MLKL: variants seen among roughly 807,000 people sequenced by gnomAD.
The protein encoded by MLKL is mixed lineage kinase domain like pseudokinase, also known as mixed lineage kinase domain-like protein.
MLKL carries 55 observed loss-of-function variants against 56.5 expected under a neutral mutation model. The observed-to-expected ratio is 0.97, with a 90% confidence interval of 0.78 to 1.22. The LOEUF is 1.22. Ranked by LOEUF, MLKL falls within the 50% of genes most tolerant of loss-of-function variation. The pLI is 0.00. For missense variants in MLKL, 694 were observed against 573.9 expected (o/e 1.21, Z -2.14); for synonymous variants, 251 against 208.3 (o/e 1.20, Z -1.76).
Position 74,695,528 on chromosome 16 carries a change from T to C in MLKL, c.230A>G (p.Glu77Gly). ...GATATTGGATCTATTGCTGAACTTT[T>C]CTATCTCCCCATTAGCCTCCTCCAG... ...AALEEANGEI[E>G]KFSNRSNICR... The change falls in exon 2 of 11, where the codon GAA becomes GGA. Residue 77 changes from glutamate (E) to glycine (G), a missense_variant. Coordinates refer to ENST00000308807, the MANE Select transcript of MLKL (RefSeq NM_152649.4). 6.2e-7 allele frequency: 1 copy of C among 1,614,240 alleles called. No individual in the cohort carries two copies. Among genetic ancestry groups the C allele is most frequent in the Non-Finnish European group, 8.5e-7 (1 of 1,180,044 alleles).
At chr16:74,697,404 G>A (rs1050645321) in intron 1 of MLKL, among the ~76,000 whole-genome samples, 13 of 152,222 alleles carry the variant, frequency 8.5e-5, no homozygotes, top group Admixed American at 7.2e-4. Flanking sequence ...TTTGAATCAT[G>A]TTTGCTTTAT....
At chr16:74,678,228 C>T (rs1451523275) in intron 7 of MLKL, 1 of 152,380 alleles carries the variant, frequency 6.6e-6, no homozygotes, top group Non-Finnish European at 1.5e-5. Context: ...TTCTAAGTAA[C>T]TGAATGACAA....
intron 5 of MLKL, among the ~76,000 whole-genome samples, chr16:74,684,753 C>G (rs377331251): frequency 6.6e-6 from 1 of 152,150 alleles, no homozygotes; most frequent in Non-Finnish European, 1.5e-5. Context: ...CTCAGCCTCC[C>G]TAAGTGCTGC....
chr16:74,675,309 G>A (rs117203179), intron 9 of MLKL, 46 bp downstream of exon 9: 30,956 of 1,613,328 alleles, frequency 0.019, 405 homozygotes, highest in Non-Finnish European at 0.021. Flanking sequence ...CTACTGGAAG[G>A]GGACCCAACC....
intron 6 of MLKL, among the ~76,000 whole-genome samples, chr16:74,682,177 CTCGG>C (rs1375996371): frequency 2.6e-5 from 4 of 152,072 alleles, no homozygotes; most frequent in African/African-American, 9.7e-5. Context: ...ATCCCTTCAG[CTCGG>C]GAGGTTAAGT....
At chr16:74,679,556 C>T (rs931222568) in intron 6 of MLKL, among the ~76,000 whole-genome samples, 44 of 152,196 alleles carry the variant, frequency 2.9e-4, no homozygotes, top group African/African-American at 9.4e-4. Context: ...GCTTATAATC[C>T]CCACACTTTG....
At chr16:74,672,729 C>G (rs1390035261) in intron 10 of MLKL, among the ~76,000 whole-genome samples, 191 bp from the exon 11 acceptor site, 1 of 152,174 alleles carries the variant, frequency 6.6e-6, no homozygotes, top group Non-Finnish European at 1.5e-5. Context: ...TTTTAAAACA[C>G]AAACACCTCA....
At chr16:74,677,013 T>C (rs1202350830) in intron 7 of MLKL, 3 of 152,198 alleles carry the variant, frequency 2.0e-5, no homozygotes, top group Non-Finnish European at 4.4e-5. Flanking sequence ...AGTAAACAGC[T>C]GATGGGAATG....
intron 2 of MLKL, among the ~76,000 whole-genome samples, chr16:74,693,423 G>A (rs1412979203): frequency 7.6e-6 from 1 of 130,954 alleles, no homozygotes; most frequent in South Asian, 2.4e-4. Flanking sequence ...AGCCAAGATC[G>A]TGTCACTGCA....
intron 4 of MLKL, among the ~76,000 whole-genome samples, chr16:74,687,165 G>A (rs371885408): frequency 5.3e-5 from 8 of 151,862 alleles, no homozygotes; most frequent in South Asian, 2.1e-4. Context: ...TAGTAGAGGC[G>A]GGGTTTCACC....
Position 74,682,305 on chromosome 16 carries a change from T to C in MLKL, c.956+346A>G, listed in dbSNP as rs193244400. Reference sequence around the variant, plus strand: ...TTTAGTATAAGTATATACCATGCAATGTTTAGGATGCACTTATACTAAAAA... The same window carrying C: ...TTTAGTATAAGTATATACCATGCAACGTTTAGGATGCACTTATACTAAAAA... On this transcript the variant is annotated intron_variant, in intron 6 of 10. Transcript: ENST00000308807. Among the ~76,000 whole-genome samples the C allele has an allele frequency of 3.5e-4, 54 of 152,278 alleles. No individual in the cohort carries two copies. The East Asian group carries it at 7.3e-3, about 21-fold the overall frequency.
At position 74,672,409 on chromosome 16, in the gene MLKL, T is replaced by A; in HGVS notation, c.*95A>T. On this transcript the variant is annotated 3_prime_UTR_variant, in exon 11 of 11. Coordinates refer to ENST00000308807, the MANE Select transcript of MLKL (RefSeq NM_152649.4). ...CGTGCCCACTCCTTGCACCCATAGATAACCCAATGCCGAAGGATATGAGAG... is the reference window on the plus strand; with the variant it reads ...CGTGCCCACTCCTTGCACCCATAGAAAACCCAATGCCGAAGGATATGAGAG... 1 of 1,207,574 alleles carries A rather than the reference T, an allele frequency of 8.3e-7. No individual in the cohort carries two copies. The highest frequency in any genetic ancestry group is 1.2e-6 in the Non-Finnish European group (1 of 824,514). The allele number at this position is 1,207,574 out of a possible 1,614,324, so 74.8% of individuals were successfully genotyped here.
intron 10 of MLKL, among the ~76,000 whole-genome samples, chr16:74,673,569 G>C (rs1296791720): frequency 6.6e-6 from 1 of 151,984 alleles, no homozygotes; most frequent in Non-Finnish European, 1.5e-5. Context: ...TTTAGGTCTA[G>C]GGTATGAGAG....
At chr16:74,691,553 G>T in intron 3 of MLKL, 90 bp from the exon 4 acceptor site, 1 of 1,383,112 alleles carries the variant, frequency 7.2e-7, no homozygotes, top group South Asian at 1.3e-5. Flanking sequence ...TGATGTGTGA[G>T]TGGGAAGCTC....
rs1220095071 is a variant in MLKL at position 74,695,446 on chromosome 16, C to T, written c.312G>A (p.Lys104=). Reference sequence around the variant, plus strand: ...AGAGCTCCTTCCAGACATCACTCAGCTTCCTGTTCACGTCCTTGAAGAGTA... The same window carrying T: ...AGAGCTCCTTCCAGACATCACTCAGTTTCCTGTTCACGTCCTTGAAGAGTA... ...DKILFKDVNR[K]LSDVWKELSL... is the part of the protein sequence containing the mutation. The change falls in exon 2 of 11, where the codon AAG becomes AAA. Residue 104 remains lysine, a synonymous_variant. Transcript: ENST00000308807. 1.2e-6 allele frequency: 2 copies of T among 1,614,116 alleles called. No individual in the cohort carries two copies. Among genetic ancestry groups the T allele is most frequent in the Non-Finnish European group, 1.7e-6 (2 of 1,180,068 alleles).
At chr16:74,686,030 G>A (rs964802663) in intron 4 of MLKL, among the ~76,000 whole-genome samples, 6 of 151,360 alleles carry the variant, frequency 4.0e-5, no homozygotes, top group Non-Finnish European at 8.8e-5. Flanking sequence ...TGCGATCTTG[G>A]CTCACTGCAG....
In MLKL at chr16:74,672,448, G is replaced by C; in HGVS notation, c.*56C>G. ...AGGATATGAGAGAGAGAGATGTCCA[G>C]TTTGTGCCTCTCCCAGCTTCTTGTC... On this transcript the variant is annotated 3_prime_UTR_variant, in exon 11 of 11. Transcript: ENST00000308807. 3 of 1,510,042 alleles carry C rather than the reference G, an allele frequency of 2.0e-6. No homozygotes were observed. Among genetic ancestry groups the C allele is most frequent in the Non-Finnish European group, 2.8e-6 (3 of 1,086,644 alleles). 93.5% of individuals were successfully genotyped at this position (1,510,042 alleles called of 1,614,324 possible).
intron 4 of MLKL, among the ~76,000 whole-genome samples, chr16:74,686,683 G>A (rs1431949389): frequency 1.6e-4 from 24 of 152,198 alleles, no homozygotes; most frequent in Non-Finnish European, 1.5e-5. Flanking sequence ...AATTATTAAA[G>A]AGGATCACTG....
chr16:74,693,795 G>A (rs1049839316), intron 2 of MLKL, among the ~76,000 whole-genome samples: 6 of 151,954 alleles, frequency 3.9e-5, no homozygotes, highest in Non-Finnish European at 7.4e-5. Flanking sequence ...AGTAGAGACG[G>A]GGTTTCACCG....
Sources: allele counts gnomAD v4.1 joint callset (sites outside exome capture counted in the v4.1 genomes callset), GRCh38; gene constraint gnomAD v4.1.1; transcripts MANE v1.5; gene names NCBI Gene and HGNC (gene_info 2026-07-23, HGNC 2026-07-21).